The following LRBA variants were observed in gnomAD, a reference collection of about 807,000 sequenced individuals.
The protein encoded by LRBA is lipopolysaccharide-responsive and beige-like anchor protein.
In LRBA, 176 loss-of-function variants were observed where a neutral mutation model predicts 330.0. The ratio of observed to expected loss-of-function variants is 0.53; its 90% CI spans 0.47 to 0.60. The LOEUF is 0.60. LRBA is among the 20% of genes least tolerant of loss of function. The pLI is 0.00. For synonymous variants in LRBA, 1,230 were observed against 1,193.0 expected, an observed-to-expected ratio of 1.03 and a Z score of -0.64; for missense variants, 3,259 against 3,444.8, an observed-to-expected ratio of 0.95 and a Z score of 1.35.
chr4:150,692,846 A>T (rs1057419612), intron 36 of LRBA, among the ~76,000 whole-genome samples: 20 of 152,334 alleles, frequency 1.3e-4, no homozygotes, highest in African/African-American at 4.6e-4. Flanking sequence ...TGAGGCTGGG[A>T]GTGGTATATA....
intron 35 of LRBA, among the ~76,000 whole-genome samples, chr4:150,746,478 T>C (rs971819801): frequency 4.0e-5 from 6 of 151,776 alleles, no homozygotes; most frequent in Admixed American, 1.3e-4. Flanking sequence ...ATTCTACCTC[T>C]GCAATAACTT....
intron 40 of LRBA, among the ~76,000 whole-genome samples, chr4:150,501,379 A>C (rs1760234184): frequency 6.6e-6 from 1 of 152,170 alleles, no homozygotes; most frequent in Admixed American, 6.5e-5. Context: ...TGGTAGGCCA[A>C]GGTGGGAGAA....
At chr4:150,277,072 C>T (rs180708491) in intron 56 of LRBA, among the ~76,000 whole-genome samples, 42 of 152,292 alleles carry the variant, frequency 2.8e-4, no homozygotes, top group African/African-American at 9.4e-4. Flanking sequence ...GGCACATATA[C>T]GCCATGGAAT....
intron 40 of LRBA, among the ~76,000 whole-genome samples, chr4:150,548,461 C>A (rs746857250): frequency 1.3e-5 from 2 of 152,080 alleles, no homozygotes; most frequent in African/African-American, 4.8e-5. Flanking sequence ...AAATTAATCT[C>A]GCAAATGTCT....
intron 2 of LRBA, among the ~76,000 whole-genome samples, chr4:150,988,428 A>C (rs2149620388): frequency 6.6e-6 from 1 of 152,332 alleles, no homozygotes; most frequent in Middle Eastern, 3.4e-3. Context: ...AGAGAGGCAA[A>C]GAAAACAAAC....
intron 44 of LRBA, among the ~76,000 whole-genome samples, chr4:150,456,988 G>A (rs1242275312): frequency 1.3e-5 from 2 of 151,962 alleles, no homozygotes; most frequent in East Asian, 1.9e-4. Flanking sequence ...GTAGGTATGT[G>A]GATTTGTAAA....
chr4:150,664,016 G>T (rs116227723), intron 37 of LRBA, among the ~76,000 whole-genome samples: 1 of 152,142 alleles, frequency 6.6e-6, no homozygotes, highest in Non-Finnish European at 1.5e-5. Context: ...TGTCTGGATC[G>T]CAAGTTGCTT....
chr4:150,646,292 A>G (rs1460831955), intron 37 of LRBA, among the ~76,000 whole-genome samples: 1 of 152,042 alleles, frequency 6.6e-6, no homozygotes, highest in Non-Finnish European at 1.5e-5. Context: ...AGGATAAATA[A>G]CAGTTATTGC....
chr4:150,507,871 T>C (rs949310803), intron 40 of LRBA, among the ~76,000 whole-genome samples: 2 of 151,932 alleles, frequency 1.3e-5, no homozygotes, highest in Non-Finnish European at 2.9e-5. Context: ...ACGTGGCACA[T>C]ACACACCATG....
At chr4:150,737,552 A>G (rs1378328880) in intron 35 of LRBA, among the ~76,000 whole-genome samples, 2 of 152,086 alleles carry the variant, frequency 1.3e-5, no homozygotes, top group Non-Finnish European at 2.9e-5. Flanking sequence ...GACGAAAGAA[A>G]GAGAGAGAGA....
intron 46 of LRBA, among the ~76,000 whole-genome samples, chr4:150,424,616 C>T (rs76390673): frequency 0.062 from 9,289 of 150,948 alleles, 458 homozygotes; most frequent in East Asian, 0.18. Context: ...AGCACGTGCG[C>T]GCGTGCACAC....
chr4:150,840,082 C>A (rs987392083), intron 28 of LRBA, among the ~76,000 whole-genome samples: 2 of 152,190 alleles, frequency 1.3e-5, no homozygotes, highest in Non-Finnish European at 2.9e-5. Context: ...TCACTTCTCT[C>A]GGCCTTTACA....
intron 33 of LRBA, among the ~76,000 whole-genome samples, chr4:150,803,855 C>A (rs1742143507): frequency 1.3e-5 from 2 of 152,064 alleles, no homozygotes; most frequent in Non-Finnish European, 2.9e-5. Context: ...GGTAAAAAAT[C>A]ATTCTAAATT....
At chr4:150,849,234 G>C (rs1353848923) in intron 25 of LRBA, among the ~76,000 whole-genome samples, 188 bp downstream of exon 25, 1 of 152,106 alleles carries the variant, frequency 6.6e-6, no homozygotes, top group African/African-American at 2.4e-5. Flanking sequence ...CATACTTAGG[G>C]AATCAACATT....
chr4:150,994,603 G>A (rs923113256), intron 2 of LRBA, among the ~76,000 whole-genome samples: 1 of 152,122 alleles, frequency 6.6e-6, no homozygotes, highest in African/African-American at 2.4e-5. Flanking sequence ...AAATAAAGCA[G>A]GATATAAGAG....
chr4:150,605,237 A>T (rs1774509457), intron 37 of LRBA, among the ~76,000 whole-genome samples: 1 of 152,186 alleles, frequency 6.6e-6, no homozygotes, highest in Non-Finnish European at 1.5e-5. Flanking sequence ...AATGAGTCAA[A>T]TGTATTCATG....
chr4:150,306,037 A>G (rs1357884800), intron 52 of LRBA, among the ~76,000 whole-genome samples: 1 of 152,110 alleles, frequency 6.6e-6, no homozygotes, highest in Non-Finnish European at 1.5e-5. Flanking sequence ...CTTTTTTGAC[A>G]GAACAAATTT....
intron 37 of LRBA, among the ~76,000 whole-genome samples, chr4:150,662,140 T>C (rs1429258846): frequency 6.6e-6 from 1 of 152,212 alleles, no homozygotes; most frequent in Non-Finnish European, 1.5e-5. Context: ...TAAAATCTCA[T>C]CTAAATCCCA....
intron 40 of LRBA, among the ~76,000 whole-genome samples, chr4:150,493,216 T>A (rs1453235347): frequency 6.6e-6 from 1 of 152,168 alleles, no homozygotes; most frequent in Non-Finnish European, 1.5e-5. Flanking sequence ...ACTCCTGGGC[T>A]CAAGTGATCC....
Sources: gnomAD v4.1 joint callset for allele counts (sites outside exome capture counted in the v4.1 genomes callset) on GRCh38, gnomAD v4.1.1 for gene constraint, MANE v1.5 for transcripts, NCBI Gene and HGNC (gene_info 2026-07-23, HGNC 2026-07-21) for gene names.